MYO10: variants seen among roughly 807,000 people sequenced by gnomAD.
MYO10 encodes unconventional myosin-X.
In MYO10, 133 loss-of-function variants were observed where a neutral mutation model predicts 257.3. That is an observed-to-expected ratio of 0.52 (90% CI 0.45 to 0.60). The LOEUF is 0.60. Ranked by LOEUF, MYO10 falls within the 20% of genes least tolerant of loss-of-function variation. The probability of loss-of-function intolerance (pLI) is 0.00; values close to 1 mark genes in which losing one functional copy is unlikely to be tolerated. For missense variants in MYO10, 2,399 were observed against 2,635.7 expected, an observed-to-expected ratio of 0.91 and a Z score of 1.97; for synonymous variants, 1,104 against 1,028.6, an observed-to-expected ratio of 1.07 and a Z score of -1.40.
rs190560635 is a variant in MYO10, at chr5:16,672,066, G to A, written c.5310-524C>T. Among the ~76,000 whole-genome samples the A allele has an allele frequency of 1.6e-4, 25 of 152,256 alleles. No homozygotes were observed. The East Asian group carries it at 4.6e-3, about 28-fold the overall frequency. Reference sequence around the variant, plus strand: ...TCCCAGCACTTTGGGAGGCCCAGGTGGGCGGATCACCTGAGGTCAGGAGTT... The same window carrying A: ...TCCCAGCACTTTGGGAGGCCCAGGTAGGCGGATCACCTGAGGTCAGGAGTT... On this transcript the variant is annotated intron_variant, in intron 37 of 40. Transcript: ENST00000513610.
At chr5:16,731,982 A>G (rs1404065310) in intron 19 of MYO10, among the ~76,000 whole-genome samples, 1 of 152,160 alleles carries the variant, frequency 6.6e-6, no homozygotes, top group Non-Finnish European at 1.5e-5. Flanking sequence ...GAAATTCTGA[A>G]GGGGGTTCAT....
chr5:16,801,915 T>C (rs1742131904), intron 3 of MYO10, among the ~76,000 whole-genome samples: 1 of 152,212 alleles, frequency 6.6e-6, no homozygotes, highest in African/African-American at 2.4e-5. Context: ...ACAAAAAATG[T>C]GGCACATCCA....
intron 2 of MYO10, among the ~76,000 whole-genome samples, chr5:16,834,259 C>A (rs889327383): frequency 4.6e-5 from 7 of 152,118 alleles, no homozygotes; most frequent in Non-Finnish European, 8.8e-5. Context: ...ATTGTAACCT[C>A]GGTTTTCTTA....
chr5:16,725,074 TC>T, intron 19 of MYO10, among the ~76,000 whole-genome samples: 1 of 135,488 alleles, frequency 7.4e-6, no homozygotes, highest in Non-Finnish European at 1.6e-5. Flanking sequence ...CTCACCTTCT[TC>T]TTCTTTTTTT....
chr5:16,707,460 C>T (rs1579872227), intron 21 of MYO10, among the ~76,000 whole-genome samples: 1 of 152,222 alleles, frequency 6.6e-6, no homozygotes, highest in African/African-American at 2.4e-5. Flanking sequence ...CAATATCCAA[C>T]AGGAACCATT....
chr5:16,840,971 T>G (rs1743459576), intron 2 of MYO10, among the ~76,000 whole-genome samples: 1 of 150,268 alleles, frequency 6.7e-6, no homozygotes. Flanking sequence ...TGAAACCCCA[T>G]CTCTACTAAA....
At chr5:16,923,349 C>T (rs1275822845) in intron 1 of MYO10, among the ~76,000 whole-genome samples, 4 of 151,216 alleles carry the variant, frequency 2.6e-5, no homozygotes, top group South Asian at 2.1e-4. Context: ...TGCAGTGGCA[C>T]GATCTCAGCT....
chr5:16,823,535 A>G (rs1279591941), intron 2 of MYO10, among the ~76,000 whole-genome samples: 12 of 125,194 alleles, frequency 9.6e-5, no homozygotes, highest in Non-Finnish European at 1.8e-4. Context: ...GCAGTGGCAC[A>G]ATCTCGGCTC....
Position 16,769,055 on chromosome 5 carries a change from C to G in MYO10, c.1060+19G>C. 2.5e-6 allele frequency: 4 copies of G among 1,596,190 alleles called. No homozygotes were observed. Among genetic ancestry groups the G allele is most frequent in the Admixed American group, 1.8e-5 (1 of 56,948 alleles). On this transcript the variant is annotated intron_variant, in intron 10 of 40. Coordinates refer to ENST00000513610, the MANE Select transcript of MYO10 (RefSeq NM_012334.3). The stretch of plus-strand genomic sequence containing the variant: ...CGGGGAACAAAGGGAGCGAGGAGGG[C>G]AGGCAGGCATAATCTTACCTGTTTT...
At chr5:16,828,355 C>T (rs1743061041) in intron 2 of MYO10, among the ~76,000 whole-genome samples, 2 of 152,036 alleles carry the variant, frequency 1.3e-5, no homozygotes, top group Non-Finnish European at 2.9e-5. Flanking sequence ...GGTATAATCC[C>T]AGCACTTTGG....
In MYO10 at chr5:16,668,480, G is replaced by A. The variant is rs748586452; in HGVS notation, c.5884-12C>T. On this transcript the variant is annotated splice_polypyrimidine_tract_variant and intron_variant, in intron 39 of 40. Coordinates refer to ENST00000513610, the MANE Select transcript of MYO10 (RefSeq NM_012334.3). ...CCACCTTCCTTGCACTGGTGGGCAA[G>A]AGTCAACAGAAGAGTTAAGTCATGA... The A allele has an allele frequency of 6.3e-7, 1 of 1,588,830 alleles. No homozygotes were observed. The highest frequency in any genetic ancestry group is 8.6e-7 in the Non-Finnish European group (1 of 1,169,498).
At position 16,821,018 on chromosome 5, in the gene MYO10, CTAATA is replaced by C. The variant is rs1280044647; in HGVS notation, c.121-2856_121-2852del. On this transcript the variant is annotated intron_variant, in intron 2 of 40. Coordinates refer to ENST00000513610, the MANE Select transcript of MYO10 (RefSeq NM_012334.3). ...CTTATATCTTAAGATACCTTATATC[CTAATA>C]TATTATGTAAGATGTTTATATACAT... Among the ~76,000 whole-genome samples the C allele has an allele frequency of 2.1e-5, 3 of 144,264 alleles. No individual in the cohort carries two copies. In the East Asian group the frequency reaches 6.0e-4, roughly 29 times the overall value. 94.6% of individuals were successfully genotyped at this position (144,264 alleles called of 152,430 possible).
rs752171116 is a variant in MYO10, at chr5:16,766,206, G to C, written c.1061-8C>G. The stretch of plus-strand genomic sequence containing the variant: ...CCGCAGATCTGCCCAAAGCTGCAGA[G>C]AATAAGACAAAGGTGAATGAACCCA... On this transcript the variant is annotated splice_region_variant and splice_polypyrimidine_tract_variant and intron_variant, in intron 10 of 40. Transcript: ENST00000513610. 6.2e-6 allele frequency: 10 copies of C among 1,605,104 alleles called. No individual in the cohort carries two copies. In the African/African-American group the frequency reaches 1.2e-4, roughly 19 times the overall value.
At chr5:16,759,112 A>G (rs940880638) in intron 17 of MYO10, among the ~76,000 whole-genome samples, 1 of 152,134 alleles carries the variant, frequency 6.6e-6, no homozygotes, top group Non-Finnish European at 1.5e-5. Context: ...TAGTAGAGAC[A>G]GGGTTTCACC....
chr5:16,835,265 G>A (rs564991243), intron 2 of MYO10, among the ~76,000 whole-genome samples: 2 of 152,144 alleles, frequency 1.3e-5, no homozygotes, highest in Non-Finnish European at 2.9e-5. Flanking sequence ...GCCTGGCGTG[G>A]TGGCTCATGC....
At chr5:16,851,880 G>GTCC (rs1743813434) in intron 2 of MYO10, among the ~76,000 whole-genome samples, 1 of 151,688 alleles carries the variant, frequency 6.6e-6, no homozygotes, top group Non-Finnish European at 1.5e-5. Flanking sequence ...ATGAAACCCT[G>GTCC]TCCGTACTAA....
chr5:16,854,560 G>A (rs1011350837), intron 2 of MYO10, among the ~76,000 whole-genome samples: 1 of 152,006 alleles, frequency 6.6e-6, no homozygotes, highest in Non-Finnish European at 1.5e-5. Context: ...TGGAGGGAGA[G>A]CTTGGGAATG....
intron 19 of MYO10, among the ~76,000 whole-genome samples, chr5:16,740,590 G>A (rs188330483): frequency 3.8e-4 from 58 of 152,192 alleles, no homozygotes; most frequent in Non-Finnish European, 6.6e-4. Flanking sequence ...GACTGGGGTC[G>A]CCTCTCTAAT....
At chr5:16,682,114 C>G in intron 30 of MYO10, 101 bp from the exon 31 acceptor site, 1 of 1,395,288 alleles carries the variant, frequency 7.2e-7, no homozygotes, top group Non-Finnish European at 9.8e-7. Flanking sequence ...GCTTCTGGGT[C>G]ACGGGATATA....
Sources: allele counts gnomAD v4.1 joint callset (sites outside exome capture counted in the v4.1 genomes callset), GRCh38; gene constraint gnomAD v4.1.1; transcripts MANE v1.5; gene names NCBI Gene and HGNC (gene_info 2026-07-23, HGNC 2026-07-21).